The following DGLUCY variants were observed in gnomAD, a reference collection of about 807,000 sequenced individuals.
The protein encoded by DGLUCY is D-glutamate cyclase, also known as D-glutamate cyclase, mitochondrial.
In DGLUCY, 58 loss-of-function variants were observed where a neutral mutation model predicts 58.5. The observed-to-expected ratio is 0.99, with a 90% CI of 0.80 to 1.23. The LOEUF (loss-of-function observed/expected upper bound fraction) is 1.23. Among genes scored for constraint, DGLUCY ranks in the 50% most tolerant of loss-of-function variants. The pLI, the probability that DGLUCY is intolerant of heterozygous loss-of-function variation, is 0.00. For missense variants in DGLUCY, 779 were observed against 784.7 expected, an observed-to-expected ratio of 0.99 and a Z score of 0.09; for synonymous variants, 325 against 314.1, an observed-to-expected ratio of 1.03 and a Z score of -0.37.
At chr14:91,217,287 G>A (rs1385588093) in intron 13 of DGLUCY, among the ~76,000 whole-genome samples, 4 of 152,140 alleles carry the variant, frequency 2.6e-5, no homozygotes, top group East Asian at 1.9e-4. Context: ...GGTGGGTGCC[G>A]AAGGTTGTGG....
In DGLUCY at chr14:91,184,424, A is replaced by G. The variant is rs192178754; in HGVS notation, c.934+3035A>G. The stretch of plus-strand genomic sequence containing the variant: ...AAATTAGCTAGGTGTGGTGGTGTCA[A>G]ACGCCTGTGGTCCCAGCTACTGGGG... On this transcript the variant is annotated intron_variant, in intron 8 of 13. Transcript: ENST00000256324. Among the ~76,000 whole-genome samples, 35 of 151,388 alleles carry G rather than the reference A, an allele frequency of 2.3e-4. No homozygotes were observed. The East Asian group carries it at 4.9e-3, about 21-fold the overall frequency.
chr14:91,074,312 A>T (rs143548617), intron 1 of DGLUCY, among the ~76,000 whole-genome samples: 16,268 of 120,448 alleles, frequency 0.14, 1,255 homozygotes, highest in African/African-American at 0.24. Flanking sequence ...AAAAAAAAAA[A>T]ATATATATAT....
intron 13 of DGLUCY, among the ~76,000 whole-genome samples, chr14:91,216,764 A>T (rs538935767): frequency 6.6e-6 from 1 of 152,190 alleles, no homozygotes; most frequent in East Asian, 1.9e-4. Flanking sequence ...CTTTTGTCTG[A>T]GCTCCTCCGA....
rs796260458 is a variant in DGLUCY, at chr14:91,199,670, T to A, written c.1296-87T>A. The stretch of plus-strand genomic sequence containing the variant: ...GGAATCAAAGAAAAAAAGAAGCGTC[T>A]TTCGCGCAAACACAAGAAGGCATGA... On this transcript the variant is annotated intron_variant, in intron 10 of 13. Coordinates refer to ENST00000256324, the MANE Select transcript of DGLUCY (RefSeq NM_001102368.3). 9 of 1,463,472 alleles carry A rather than the reference T, an allele frequency of 6.1e-6. No homozygotes were observed. The South Asian group carries it at 8.8e-5, about 14-fold the overall frequency. 90.7% of individuals were successfully genotyped at this position (1,463,472 alleles called of 1,614,324 possible). A position where few individuals can be genotyped will look rare whatever the true frequency, so the allele number is the denominator to read the frequency against.
At chr14:91,212,698 T>C (rs1363526656) in intron 12 of DGLUCY, among the ~76,000 whole-genome samples, 1 of 150,766 alleles carries the variant, frequency 6.6e-6, no homozygotes, top group Non-Finnish European at 1.5e-5. Context: ...TGAGACCCTG[T>C]CTTTATTAAA....
rs1285466055 is a variant in DGLUCY at position 91,157,215 on chromosome 14, GTGGATGGA to G, written c.-81-416_-81-409del. Reference sequence around the variant, plus strand: ...GATAGATGGATGGATGAATGAATGGGTGGATGGATGGATGGGTGGATGGATGGATGGAT... The same window carrying G: ...GATAGATGGATGGATGAATGAATGGGTGGATGGGTGGATGGATGGATGGAT... On this transcript the variant is annotated intron_variant, in intron 1 of 13. Transcript: ENST00000256324. 3.4e-3 allele frequency among the ~76,000 whole-genome samples: 364 copies of G among 106,372 alleles called. 3 individuals are homozygous for G. The highest frequency in any genetic ancestry group is 0.018 in the African/African-American group (349 of 19,378). The allele number at this position is 106,372 out of a possible 152,430, so 69.8% of individuals were successfully genotyped here.
chr14:91,214,927 G>A (rs1381541308), intron 12 of DGLUCY, among the ~76,000 whole-genome samples: 1 of 152,152 alleles, frequency 6.6e-6, no homozygotes, highest in African/African-American at 2.4e-5. Context: ...GAGATGGGTG[G>A]ATCACAAGAT....
chr14:91,179,928 G>A (rs1415652458), intron 7 of DGLUCY, among the ~76,000 whole-genome samples: 4 of 86,780 alleles, frequency 4.6e-5, no homozygotes, highest in African/African-American at 1.8e-4. Context: ...GTCTTGCTCT[G>A]TTGCCTAGGC....
chr14:91,185,025 T>C (rs890262423), intron 8 of DGLUCY, among the ~76,000 whole-genome samples: 2 of 151,994 alleles, frequency 1.3e-5, no homozygotes, highest in African/African-American at 4.8e-5. Flanking sequence ...TGGAGTGCAG[T>C]GGTGTGATCT....
At chr14:91,104,187 T>C (rs915247682), upstream of DGLUCY, among the ~76,000 whole-genome samples, 60 of 150,512 alleles carry the variant, frequency 4.0e-4, no homozygotes, top group Non-Finnish European at 7.8e-4. Context: ...CTCAGCCTCC[T>C]GAGTAGCTGG....
At chr14:91,124,930 A>G (rs1566952189) in intron 1 of DGLUCY, among the ~76,000 whole-genome samples, 1 of 152,228 alleles carries the variant, frequency 6.6e-6, no homozygotes, top group Non-Finnish European at 1.5e-5. Flanking sequence ...GGTCCAAGCA[A>G]GTATTAGGTC....
At chr14:91,222,384 G>A (rs771112913) in intron 13 of DGLUCY, among the ~76,000 whole-genome samples, 9 of 152,196 alleles carry the variant, frequency 5.9e-5, no homozygotes, top group Non-Finnish European at 8.8e-5. Flanking sequence ...GTGAGGAAAT[G>A]GCCCCAGGAG....
chr14:91,163,450 G>C (rs1197039644), intron 3 of DGLUCY, among the ~76,000 whole-genome samples: 1 of 152,152 alleles, frequency 6.6e-6, no homozygotes, highest in African/African-American at 2.4e-5. Flanking sequence ...AGCTGGGGGT[G>C]TCTCACGTGT....
chr14:91,192,657 A>G (rs562702964), intron 9 of DGLUCY, among the ~76,000 whole-genome samples: 2 of 152,200 alleles, frequency 1.3e-5, no homozygotes, highest in African/African-American at 4.8e-5. Context: ...AAAATTAGCC[A>G]GGCGTGGTGG....
Position 91,150,178 on chromosome 14 carries a change from C to T in DGLUCY, c.-81-7461C>T, listed in dbSNP as rs375080968. On this transcript the variant is annotated intron_variant, in intron 1 of 13. Transcript: ENST00000256324. ...AAGTTGCAGTGAGTGGAGATTGCGC[C>T]GCTGCACTCCAGCCTGGGTGACAGA... Among the ~76,000 whole-genome samples, 343 of 144,678 alleles carry T rather than the reference C, an allele frequency of 2.4e-3. 3 individuals carry two copies. The highest frequency in any genetic ancestry group is 0.015 in the Middle Eastern group (4 of 272). 94.9% of individuals were successfully genotyped at this position (144,678 alleles called of 152,430 possible).
At chr14:91,173,183 A>C (rs1396440141) in intron 5 of DGLUCY, 106 bp from the exon 6 acceptor site, 9,005 of 726,608 alleles carry the variant, frequency 0.012, no homozygotes, top group Non-Finnish European at 0.017. Flanking sequence ...TATAACAGCT[A>C]CTCCTCCTTC....
intron 1 of DGLUCY, among the ~76,000 whole-genome samples, chr14:91,074,944 T>G (rs1323006995): frequency 2.0e-5 from 3 of 152,008 alleles, no homozygotes; most frequent in Non-Finnish European, 2.9e-5. Flanking sequence ...TGGTGGCGCA[T>G]GCCTGTAATC....
intron 13 of DGLUCY, among the ~76,000 whole-genome samples, chr14:91,218,230 T>C (rs904647062): frequency 2.2e-4 from 33 of 152,016 alleles, no homozygotes; most frequent in African/African-American, 6.3e-4. Flanking sequence ...GAAAAAAACA[T>C]GCAAGGGCTG....
At chr14:91,103,978 C>T (rs1057015043), upstream of DGLUCY, among the ~76,000 whole-genome samples, 8 of 151,848 alleles carry the variant, frequency 5.3e-5, no homozygotes, top group African/African-American at 1.7e-4. Flanking sequence ...ATTTGGCTTC[C>T]GCCCACCACT....
Sources: allele counts gnomAD v4.1 joint callset (sites outside exome capture counted in the v4.1 genomes callset), GRCh38; gene constraint gnomAD v4.1.1; transcripts MANE v1.5; gene names NCBI Gene and HGNC (gene_info 2026-07-23, HGNC 2026-07-21).